Variants in GLIS3 observed in about 807,000 individuals in gnomAD.
The protein encoded by GLIS3 is zinc finger protein GLIS3.
GLIS3 carries 53 observed loss-of-function variants against 78.6 expected under a neutral mutation model. That is an observed-to-expected ratio of 0.67 (90% CI 0.54 to 0.85). GLIS3 has a LOEUF of 0.85. Among genes scored for constraint, GLIS3 ranks in the 40% least tolerant of loss-of-function variants. The pLI is 0.00. For missense variants in GLIS3, 1,703 were observed against 1,231.1 expected (o/e 1.38, Z -5.74); for synonymous variants, 684 against 509.9 (o/e 1.34, Z -4.60).
intron 4 of GLIS3, among the ~76,000 whole-genome samples, chr9:4,037,162 A>AACT (rs1824385357): frequency 4.6e-5 from 7 of 152,320 alleles, no homozygotes; most frequent in African/African-American, 1.7e-4. Context: ...ATGACATGTG[A>AACT]ACTTGCTTTA....
intron 4 of GLIS3, among the ~76,000 whole-genome samples, chr9:4,051,896 A>G (rs533129040): frequency 6.6e-6 from 1 of 152,332 alleles, no homozygotes; most frequent in South Asian, 2.1e-4. Context: ...GGAAGGTACT[A>G]ACGTTTATAG....
intron 2 of GLIS3, among the ~76,000 whole-genome samples, chr9:4,257,586 T>TTGTTGTTGTTGTTG (rs376998444): frequency 0.099 from 14,881 of 150,312 alleles, 944 homozygotes; most frequent in South Asian, 0.14. Flanking sequence ...GTTGTTGTTA[T>TTGTTGTTGTTGTTG]TTTTTGAGAC....
chr9:4,285,966 G>C (rs780677648), intron 2 of GLIS3, 72 bp downstream of exon 2: 7 of 1,545,144 alleles, frequency 4.5e-6, no homozygotes, highest in Middle Eastern at 1.7e-4. Flanking sequence ...CATAGGATTT[G>C]CTGGCAGAAA....
chr9:3,888,010 CAG>C (rs1030931606), intron 7 of GLIS3, among the ~76,000 whole-genome samples: 3 of 152,138 alleles, frequency 2.0e-5, no homozygotes, highest in African/African-American at 7.2e-5. Flanking sequence ...ATTCATGACA[CAG>C]AAAGTCAGTA....
At chr9:3,944,665 A>G (rs1452249319) in intron 4 of GLIS3, among the ~76,000 whole-genome samples, 4 of 152,264 alleles carry the variant, frequency 2.6e-5, no homozygotes, top group Non-Finnish European at 5.9e-5. Flanking sequence ...GACAGACAGC[A>G]AAAAATGCAT....
intron 4 of GLIS3, among the ~76,000 whole-genome samples, chr9:4,058,362 A>G (rs1017955141): frequency 1.3e-5 from 2 of 152,136 alleles, no homozygotes; most frequent in African/African-American, 4.8e-5. Flanking sequence ...GGGTTCAGAA[A>G]TCACAGCTCT....
intron 2 of GLIS3, among the ~76,000 whole-genome samples, chr9:4,132,877 G>A (rs187501375): frequency 2.0e-5 from 3 of 152,316 alleles, no homozygotes. Flanking sequence ...TACTGGCTGT[G>A]TGATATCAGG....
chr9:4,201,750 C>T (rs1301182696), intron 2 of GLIS3, among the ~76,000 whole-genome samples: 3 of 152,162 alleles, frequency 2.0e-5, no homozygotes, highest in African/African-American at 4.8e-5. Context: ...ACCATTACAA[C>T]GACCATACTG....
At chr9:4,401,688 C>G in the GLIS3 span, among the ~76,000 whole-genome samples, 18 of 151,854 alleles carry the variant, frequency 1.2e-4, no homozygotes, top group South Asian at 3.8e-3. Context: ...ATGCCTCAGC[C>G]TCAAGTGATT....
chr9:3,982,291 T>C (rs1285646988), intron 4 of GLIS3, among the ~76,000 whole-genome samples: 1 of 152,122 alleles, frequency 6.6e-6, no homozygotes, highest in Non-Finnish European at 1.5e-5. Flanking sequence ...GTCTCTTTTT[T>C]CACTCCTTTG....
chr9:4,361,589 C>T, the GLIS3 span, among the ~76,000 whole-genome samples: 1 of 152,190 alleles, frequency 6.6e-6, no homozygotes, highest in African/African-American at 2.4e-5. Flanking sequence ...GCCTGAGATG[C>T]CAAGATAAAT....
In GLIS3 at chr9:4,118,627, G is replaced by C. The variant is rs750154332; in HGVS notation, c.851C>G (p.Pro284Arg). 1.2e-6 allele frequency: 2 copies of C among 1,614,234 alleles called. No individual in the cohort carries two copies. The highest frequency in any genetic ancestry group is 1.7e-5 in the Admixed American group (1 of 60,030). Residue 284 changes from proline (P) to arginine (R), a missense_variant, in exon 4 of 11, where the codon CCT becomes CGT. Pro to Arg is a moderately radical substitution (Grantham distance 103). Transcript: ENST00000381971. This position sits in a 1 kb window ranked among gnomAD's most constrained non-coding sequence, Gnocchi z 4.7. ...CCTGGTGGATGAGTGCCGAGGACTA[G>C]GGTAAGGAGAGTGGCTACTTTCCGT... ...FGTESSHSPY[P>R]SPRHSSTRSH... is the part of the protein sequence containing the mutation.
At chr9:4,334,451 C>T (rs1340835933) in intron 2 of GLIS3, among the ~76,000 whole-genome samples, 1 of 152,214 alleles carries the variant, frequency 6.6e-6, no homozygotes, top group Admixed American at 6.5e-5. Context: ...CTCCACCCTT[C>T]CTGAAACAAT....
Position 4,100,198 on chromosome 9 carries a change from G to A in GLIS3, c.1710+17570C>T, listed in dbSNP as rs62521722. On this transcript the variant is annotated intron_variant, in intron 4 of 10. Transcript: ENST00000381971. ...AACCAGAACAGGTGGTGTAGTATGCGGGTACTAGGTTTACACTGGGAAGTC... is the reference window on the plus strand; with the variant it reads ...AACCAGAACAGGTGGTGTAGTATGCAGGTACTAGGTTTACACTGGGAAGTC... Among the ~76,000 whole-genome samples, 512 of 152,258 alleles carry A rather than the reference G, an allele frequency of 3.4e-3. 1 individual carries two copies. The highest frequency in any genetic ancestry group is 6.2e-3 in the Non-Finnish European group (423 of 68,026).
chr9:4,302,495 A>G (rs1406347528), upstream of GLIS3, among the ~76,000 whole-genome samples: 2 of 152,364 alleles, frequency 1.3e-5, no homozygotes, highest in South Asian at 4.1e-4. Context: ...GATATTACAG[A>G]AAACTTTTTG....
intron 5 of GLIS3, among the ~76,000 whole-genome samples, chr9:3,934,689 G>A (rs190798309): frequency 2.6e-5 from 4 of 152,160 alleles, no homozygotes; most frequent in Non-Finnish European, 5.9e-5. Context: ...GATTATAGGC[G>A]TGAGCCACCG....
At chr9:4,237,964 T>C (rs983940755) in intron 2 of GLIS3, among the ~76,000 whole-genome samples, 1 of 152,200 alleles carries the variant, frequency 6.6e-6, no homozygotes, top group Non-Finnish European at 1.5e-5. Flanking sequence ...GTTCCCCTTA[T>C]TCTCCCTTTG....
chr9:4,416,255 A>ATT, the GLIS3 span, among the ~76,000 whole-genome samples: 3 of 133,586 alleles, frequency 2.2e-5, no homozygotes, highest in Non-Finnish European at 3.2e-5. Flanking sequence ...CTGTTTTTAA[A>ATT]AAAAAAAAAA....
At chr9:4,179,830 A>C (rs1378256962) in intron 2 of GLIS3, among the ~76,000 whole-genome samples, 1 of 152,026 alleles carries the variant, frequency 6.6e-6, no homozygotes. Flanking sequence ...GAATCGCTGG[A>C]ACCCGGGAGG....
Sources: gnomAD v4.1 joint callset for allele counts (sites outside exome capture counted in the v4.1 genomes callset) on GRCh38, gnomAD v4.1.1 for gene constraint, Gnocchi (gnomAD v3.1) non-coding constraint, MANE v1.5 for transcripts, NCBI Gene and HGNC (gene_info 2026-07-23, HGNC 2026-07-21) for gene names.